KALRN: variants seen among roughly 807,000 people sequenced by gnomAD.
The protein encoded by KALRN is kalirin.
A neutral mutation model predicts 353.7 loss-of-function variants in KALRN; 70 were observed. That is an observed-to-expected ratio of 0.20 (90% CI 0.16 to 0.24). The LOEUF is 0.24. KALRN is among the 10% of genes least tolerant of loss of function. The probability of loss-of-function intolerance (pLI) is 1.00; values close to 1 mark genes in which losing one functional copy is unlikely to be tolerated. For missense variants in KALRN, 2,791 were observed against 3,756.7 expected, an observed-to-expected ratio of 0.74 and a Z score of 6.72; for synonymous variants, 1,391 against 1,434.8, an observed-to-expected ratio of 0.97 and a Z score of 0.69.
intron 1 of KALRN, among the ~76,000 whole-genome samples, chr3:124,090,051 G>T (rs1247642806): frequency 1.3e-5 from 2 of 152,172 alleles, no homozygotes; most frequent in African/African-American, 4.8e-5. Flanking sequence ...ATGGGGCCCA[G>T]GGTAGACGAG....
At position 124,694,432 on chromosome 3, in the gene KALRN, C is replaced by T. The variant is rs370244700; in HGVS notation, c.7506C>T (p.Ile2502=). The part of the protein sequence containing the change: ...CKVCGRPKPT[I]TWKGPDQNIL... ...TCTGTGGGCGGCCAAAGCCCACCAT[C>T]ACTTGGAAGGGTCCAGACCAGAACA... The change falls in exon 53 of 60, where the codon ATC becomes ATT. Residue 2502 remains isoleucine, a synonymous_variant. Coordinates refer to ENST00000682506, the MANE Select transcript of KALRN (RefSeq NM_001388419.1). The T allele has an allele frequency of 2.5e-6, 4 of 1,614,090 alleles. No individual in the cohort carries two copies. In the African/African-American group the frequency reaches 4.0e-5, roughly 16 times the overall value.
At chr3:124,444,268 G>A (rs1433522807) in intron 19 of KALRN, among the ~76,000 whole-genome samples, 1 of 152,198 alleles carries the variant, frequency 6.6e-6, no homozygotes, top group Non-Finnish European at 1.5e-5. Context: ...AGGGGCAGCA[G>A]TTACCCAGGA....
intron 13 of KALRN, among the ~76,000 whole-genome samples, chr3:124,411,994 T>C (rs980493391): frequency 1.3e-5 from 2 of 151,944 alleles, no homozygotes; most frequent in South Asian, 2.1e-4. Flanking sequence ...GCAGTGAGAG[T>C]GATATTTTCA....
At position 124,472,085 on chromosome 3, in the gene KALRN, C is replaced by T. The variant is rs142355626; in HGVS notation, c.4032-2578C>T. 2.9e-3 allele frequency among the ~76,000 whole-genome samples: 436 copies of T among 152,086 alleles called. 7 individuals carry two copies. Among genetic ancestry groups the T allele is most frequent in the Non-Finnish European group, 4.1e-4 (28 of 67,992 alleles). On this transcript the variant is annotated intron_variant, in intron 25 of 59. Coordinates refer to ENST00000682506, the MANE Select transcript of KALRN (RefSeq NM_001388419.1). ...GCTTCCTGAGGATTTTCAAATTGTGCATCTTCCCATAGGTTTTTGGTAGCT... is the reference window on the plus strand; with the variant it reads ...GCTTCCTGAGGATTTTCAAATTGTGTATCTTCCCATAGGTTTTTGGTAGCT...
intron 55 of KALRN, 111 bp from the exon 56 acceptor site, chr3:124,699,758 A>G: frequency 9.8e-7 from 1 of 1,018,382 alleles, no homozygotes; most frequent in East Asian, 2.4e-5. Context: ...GGTAACCACA[A>G]GCATCCCTTG....
Position 124,419,132 on chromosome 3 carries a change from A to G in KALRN, c.2543-3680A>G, listed in dbSNP as rs114859938. Among the ~76,000 whole-genome samples, 1,496 of 152,048 alleles carry G rather than the reference A, an allele frequency of 9.8e-3. 17 individuals carry two copies. Among genetic ancestry groups the G allele is most frequent in the African/African-American group, 0.034 (1,414 of 41,458 alleles). On this transcript the variant is annotated intron_variant, in intron 14 of 59. Transcript: ENST00000682506. ...GAGGCAGAGTTGAGAGAAGCAGTCT[A>G]ACAGCATTAAAGCCACCATTGTTTC...
chr3:124,646,855 A>G (rs1287815672), intron 37 of KALRN, among the ~76,000 whole-genome samples: 6 of 152,044 alleles, frequency 3.9e-5, no homozygotes, highest in African/African-American at 1.2e-4. Flanking sequence ...GACCCTTTTA[A>G]AAATAGTATA....
At chr3:124,590,746 A>T (rs941051609) in intron 34 of KALRN, among the ~76,000 whole-genome samples, 3 of 151,994 alleles carry the variant, frequency 2.0e-5, no homozygotes, top group Non-Finnish European at 1.5e-5. Flanking sequence ...TTCCTGAAGG[A>T]AGGCTCTGGA....
intron 1 of KALRN, among the ~76,000 whole-genome samples, chr3:124,223,856 A>G (rs1429832523): frequency 6.6e-6 from 1 of 152,218 alleles, no homozygotes; most frequent in Non-Finnish European, 1.5e-5. Flanking sequence ...AATGATGACT[A>G]GAAGCAATGT....
intron 37 of KALRN, among the ~76,000 whole-genome samples, chr3:124,645,663 C>CAT (rs1553708671): frequency 6.8e-5 from 10 of 147,910 alleles, no homozygotes; most frequent in Non-Finnish European, 1.0e-4. Context: ...TCTCTCTGTG[C>CAT]GTGTGTGTGT....
chr3:124,509,290 C>T (rs777887241), intron 33 of KALRN, among the ~76,000 whole-genome samples: 2 of 152,140 alleles, frequency 1.3e-5, no homozygotes, highest in Non-Finnish European at 2.9e-5. Context: ...CTCACTGCAA[C>T]CTCCACCTCC....
intron 6 of KALRN, among the ~76,000 whole-genome samples, chr3:124,313,701 A>C (rs1188859856): frequency 6.6e-6 from 1 of 152,194 alleles, no homozygotes; most frequent in South Asian, 2.1e-4. Context: ...AAAATACCAC[A>C]TATGGGTTCC....
At chr3:124,134,291 T>C (rs953321915) in intron 1 of KALRN, among the ~76,000 whole-genome samples, 1 of 152,178 alleles carries the variant, frequency 6.6e-6, no homozygotes. Context: ...AAGGACACCC[T>C]TTTCAACAAA....
chr3:124,599,530 GCTGCTGCCTC>G (rs553128532), intron 34 of KALRN, among the ~76,000 whole-genome samples: 11 of 152,300 alleles, frequency 7.2e-5, no homozygotes, highest in African/African-American at 2.6e-4. Flanking sequence ...GCCATCCACA[GCTGCTGCCTC>G]CTGCTGCGAT....
At chr3:124,375,927 T>C (rs2086524363) in intron 10 of KALRN, among the ~76,000 whole-genome samples, 1 of 152,146 alleles carries the variant, frequency 6.6e-6, no homozygotes, top group Non-Finnish European at 1.5e-5. Context: ...TCTCAGAATT[T>C]CTAGGCCCAT....
intron 5 of KALRN, among the ~76,000 whole-genome samples, chr3:124,291,751 C>G (rs887720338): frequency 3.3e-5 from 5 of 152,314 alleles, no homozygotes; most frequent in Middle Eastern, 3.4e-3. Context: ...AAGTGTCTCC[C>G]AGGTAACCAG....
At chr3:124,484,067 G>A (rs931364642) in intron 28 of KALRN, among the ~76,000 whole-genome samples, 2 of 152,218 alleles carry the variant, frequency 1.3e-5, no homozygotes, top group Admixed American at 1.3e-4. Context: ...AGTACATTGT[G>A]TAATTTCAGA....
intron 10 of KALRN, among the ~76,000 whole-genome samples, chr3:124,369,931 A>G (rs986275057): frequency 2.6e-5 from 4 of 152,236 alleles, no homozygotes; most frequent in African/African-American, 7.2e-5. Flanking sequence ...TCATGTTGTC[A>G]AAAATGACAG....
intron 10 of KALRN, among the ~76,000 whole-genome samples, chr3:124,363,641 T>A (rs1354173980): frequency 6.6e-6 from 1 of 152,212 alleles, no homozygotes; most frequent in Non-Finnish European, 1.5e-5. Context: ...AAGAGATTGA[T>A]GATATTGCCC....
Sources: allele counts gnomAD v4.1 joint callset (sites outside exome capture counted in the v4.1 genomes callset), GRCh38; gene constraint gnomAD v4.1.1; transcripts MANE v1.5; gene names NCBI Gene and HGNC (gene_info 2026-07-23, HGNC 2026-07-21).